ADCY2: variants seen among roughly 807,000 people sequenced by gnomAD.
ADCY2 encodes the protein adenylate cyclase type 2.
A neutral mutation model predicts 125.2 loss-of-function variants in ADCY2; 31 were observed. That is an observed-to-expected ratio of 0.25 (90% CI 0.19 to 0.33). The LOEUF is 0.33. Ranked by LOEUF, ADCY2 falls within the 10% of genes least tolerant of loss-of-function variation. The pLI is 1.00. For synonymous variants in ADCY2, 512 were observed against 548.4 expected (o/e 0.93, Z 0.93); for missense variants, 904 against 1,418.2 (o/e 0.64, Z 5.82).
chr5:7,569,080 A>G (rs1373922654), intron 3 of ADCY2, among the ~76,000 whole-genome samples: 1 of 152,206 alleles, frequency 6.6e-6, no homozygotes, highest in African/African-American at 2.4e-5. Context: ...TGAAGAGCTC[A>G]TCATGCAGGA....
intron 4 of ADCY2, among the ~76,000 whole-genome samples, chr5:7,649,729 A>G (rs1739018016): frequency 6.6e-6 from 1 of 152,190 alleles, no homozygotes; most frequent in African/African-American, 2.4e-5. Flanking sequence ...CCTGAAATCC[A>G]GACTCAAAGT....
rs571205010 is a variant in ADCY2 at position 7,608,833 on chromosome 5, A to G, written c.571-17334A>G. On this transcript the variant is annotated intron_variant, in intron 3 of 24. Coordinates refer to ENST00000338316, the MANE Select transcript of ADCY2 (RefSeq NM_020546.3). ...TTAAGACATCAAACTCTGAAAGCCT[A>G]AAGTATGCATTTCTGCTAGAGGGGT... 4.6e-5 allele frequency among the ~76,000 whole-genome samples: 7 copies of G among 152,264 alleles called. No homozygotes were observed. In the South Asian group the frequency reaches 1.2e-3, roughly 27 times the overall value.
At chr5:7,511,015 T>C (rs899344333) in intron 2 of ADCY2, among the ~76,000 whole-genome samples, 14 of 152,158 alleles carry the variant, frequency 9.2e-5, no homozygotes, top group Admixed American at 9.2e-4. Flanking sequence ...AGAACCTGCC[T>C]CTGCTCAGTC....
chr5:7,538,045 A>G (rs1734875892), intron 3 of ADCY2, among the ~76,000 whole-genome samples: 2 of 152,154 alleles, frequency 1.3e-5, no homozygotes, highest in African/African-American at 4.8e-5. Context: ...CTCTCACCTG[A>G]ATAACACTGG....
At chr5:7,539,287 C>T (rs1246369183) in intron 3 of ADCY2, among the ~76,000 whole-genome samples, 1 of 151,746 alleles carries the variant, frequency 6.6e-6, no homozygotes, top group Admixed American at 6.6e-5. Context: ...TTGAGCTATC[C>T]AGCAGACATA....
At chr5:7,668,618 T>C (rs1252285456) in intron 4 of ADCY2, among the ~76,000 whole-genome samples, 1 of 152,272 alleles carries the variant, frequency 6.6e-6, no homozygotes, top group African/African-American at 2.4e-5. Flanking sequence ...TGTTTTTTAA[T>C]ATAAATATGT....
chr5:7,636,150 T>A (rs896892419), intron 4 of ADCY2, among the ~76,000 whole-genome samples: 4 of 152,210 alleles, frequency 2.6e-5, no homozygotes, highest in African/African-American at 9.7e-5. Context: ...AAGAGGCAAC[T>A]CATCAGAACC....
Position 7,791,886 on chromosome 5 carries a change from G to A in ADCY2, c.2628+2086G>A, listed in dbSNP as rs1040342805. On this transcript the variant is annotated intron_variant, in intron 20 of 24. Transcript: ENST00000338316. ...ATGGTACTCCAGAAAGGCTGCCACT[G>A]TGAGGAAGTGGCTTCTGAATCTGGA... 3.3e-5 allele frequency among the ~76,000 whole-genome samples: 5 copies of A among 152,228 alleles called. No individual in the cohort carries two copies. In the East Asian group the frequency reaches 5.8e-4, roughly 18 times the overall value.
intron 22 of ADCY2, among the ~76,000 whole-genome samples, chr5:7,813,491 G>T (rs567491947): frequency 1.3e-5 from 2 of 152,212 alleles, no homozygotes; most frequent in Admixed American, 6.5e-5. Flanking sequence ...AGAACTGAGC[G>T]AGTAGTCTCT....
chr5:7,784,326 G>A (rs761311680), intron 18 of ADCY2, 39 bp from the exon 19 acceptor site: 1 of 1,451,322 alleles, frequency 6.9e-7, no homozygotes, highest in Non-Finnish European at 9.7e-7. Flanking sequence ...GTGTTGTTTT[G>A]TTGCATTGTT....
intron 19 of ADCY2, among the ~76,000 whole-genome samples, chr5:7,787,193 G>T (rs1424317822): frequency 6.6e-6 from 1 of 152,182 alleles, no homozygotes. Context: ...GTCTCTCCCT[G>T]TTCCTCCCCT....
Position 7,690,821 on chromosome 5 carries a change from A to C in ADCY2, c.851A>C (p.Lys284Thr). The C allele has an allele frequency of 6.3e-7, 1 of 1,596,680 alleles. No homozygotes were observed. The highest frequency in any genetic ancestry group is 2.3e-5 in the East Asian group (1 of 43,374). ...AATAACTTCCACAACCTGTATGTGA[A>C]GCGGCATACAAACGTGAGGTACGAC... ...NTNNFHNLYVKRHTNVSILYA... is the reference protein window; with the variant it reads ...NTNNFHNLYVTRHTNVSILYA... The change falls in exon 5 of 25, where the codon AAG becomes ACG. Residue 284 changes from lysine (K) to threonine (T), a missense_variant. Around this residue, in one of 7 missense-constraint regions of ADCY2, gnomAD observed 117 missense variants for 248.0 expected, o/e 0.47. Transcript: ENST00000338316.
chr5:7,486,279 CA>C (rs1742922491), intron 2 of ADCY2, among the ~76,000 whole-genome samples: 1 of 152,164 alleles, frequency 6.6e-6, no homozygotes, highest in South Asian at 2.1e-4. Flanking sequence ...AATGGGCACA[CA>C]AATGTACATA....
intron 12 of ADCY2, among the ~76,000 whole-genome samples, chr5:7,723,757 C>T (rs923355908): frequency 2.0e-5 from 3 of 151,608 alleles, no homozygotes; most frequent in Non-Finnish European, 4.4e-5. Flanking sequence ...CCCACCTCTA[C>T]TAAAAATACA....
rs1196551847 is a variant in ADCY2 at position 7,478,171 on chromosome 5, T to C, written c.409-42567T>C. ...CCTTCTGGGGTTCTGTGGGCAGTTA[T>C]AACCTACTGCTTCCAGGTGAGCAGG... On this transcript the variant is annotated intron_variant, in intron 2 of 24. Coordinates refer to ENST00000338316, the MANE Select transcript of ADCY2 (RefSeq NM_020546.3). Among the ~76,000 whole-genome samples the C allele has an allele frequency of 2.0e-5, 3 of 152,328 alleles. No homozygotes were observed. The East Asian group carries it at 5.8e-4, about 29-fold the overall frequency.
At chr5:7,717,081 T>G (rs1208818012) in intron 11 of ADCY2, 76 bp from the exon 12 acceptor site, 1 of 883,894 alleles carries the variant, frequency 1.1e-6, no homozygotes, top group Non-Finnish European at 1.8e-6. Context: ...TAAAATATTA[T>G]GTATCTCTAA....
intron 3 of ADCY2, among the ~76,000 whole-genome samples, chr5:7,538,186 G>C (rs1162030109): frequency 6.6e-6 from 1 of 152,090 alleles, no homozygotes; most frequent in Non-Finnish European, 1.5e-5. Context: ...GACTCTCCCA[G>C]AATAAAAATA....
chr5:7,734,248 A>G (rs1742184505), intron 14 of ADCY2, among the ~76,000 whole-genome samples: 1 of 152,218 alleles, frequency 6.6e-6, no homozygotes, highest in South Asian at 2.1e-4. Flanking sequence ...TGCCAAAGAC[A>G]TCATTATTTA....
At chr5:7,466,152 G>T (rs1742107387) in intron 2 of ADCY2, among the ~76,000 whole-genome samples, 1 of 152,080 alleles carries the variant, frequency 6.6e-6, no homozygotes, top group Non-Finnish European at 1.5e-5. Context: ...AGCAATATAA[G>T]ACAAATGTTT....
Sources: allele counts gnomAD v4.1 joint callset (sites outside exome capture counted in the v4.1 genomes callset), GRCh38; gene constraint gnomAD v4.1.1; regional missense constraint gnomAD v4.1.1; transcripts MANE v1.5; gene names NCBI Gene and HGNC (gene_info 2026-07-23, HGNC 2026-07-21).